ADARB2: variants seen among roughly 807,000 people sequenced by gnomAD.
The protein encoded by ADARB2 is inactive double-stranded RNA-specific editase B2.
Under a neutral mutation model 62.2 loss-of-function variants are expected in ADARB2, and 25 were observed. The ratio of observed to expected loss-of-function variants is 0.40; its 90% confidence interval spans 0.29 to 0.56. The LOEUF (loss-of-function observed/expected upper bound fraction) is 0.56, where lower values mean the gene tolerates loss of function less well. Ranked by LOEUF, ADARB2 falls within the 20% of genes least tolerant of loss-of-function variation. The pLI, the probability that ADARB2 is intolerant of heterozygous loss-of-function variation, is 0.43. For missense variants in ADARB2, 1,071 were observed against 1,077.4 expected (o/e 0.99, Z 0.08); for synonymous variants, 572 against 500.8 (o/e 1.14, Z -1.90).
chr10:1,422,586 G>C (rs1449088438), intron 1 of ADARB2, among the ~76,000 whole-genome samples: 1 of 152,180 alleles, frequency 6.6e-6, no homozygotes, highest in Non-Finnish European at 1.5e-5. Context: ...CCAGCCTGCA[G>C]GTCACATGTC....
intron 1 of ADARB2, among the ~76,000 whole-genome samples, chr10:1,572,295 G>T (rs1832953064): frequency 6.6e-6 from 1 of 152,158 alleles, no homozygotes. Flanking sequence ...GAGTGAACAG[G>T]TGAGCTTGCA....
chr10:1,575,164 T>G (rs1345886511), intron 1 of ADARB2, among the ~76,000 whole-genome samples: 1 of 151,214 alleles, frequency 6.6e-6, no homozygotes, highest in Non-Finnish European at 1.5e-5. Context: ...TAATAAGTAG[T>G]GCTAATTAAT....
intron 1 of ADARB2, among the ~76,000 whole-genome samples, chr10:1,515,750 C>G (rs1399106719): frequency 6.6e-6 from 1 of 152,238 alleles, no homozygotes; most frequent in South Asian, 2.1e-4. Context: ...GTGTTTCTTC[C>G]AGGCCCGGAA....
intron 2 of ADARB2, among the ~76,000 whole-genome samples, chr10:1,364,373 C>A (rs1468139586): frequency 6.6e-6 from 1 of 152,212 alleles, no homozygotes; most frequent in Non-Finnish European, 1.5e-5. Context: ...ACTCTACTTC[C>A]TCACTCACAG....
chr10:1,250,451 T>C (rs1325356227), intron 4 of ADARB2, among the ~76,000 whole-genome samples: 1 of 152,036 alleles, frequency 6.6e-6, no homozygotes, highest in East Asian at 1.9e-4. Context: ...CCTGTGAGAG[T>C]TGGCTGTAAT....
intron 3 of ADARB2, among the ~76,000 whole-genome samples, chr10:1,328,859 G>C (rs1466139736): frequency 6.6e-6 from 1 of 152,000 alleles, no homozygotes; most frequent in Non-Finnish European, 1.5e-5. Flanking sequence ...GGTCATGGTG[G>C]TGTGTGTCTG....
chr10:1,419,316 G>A lies in ADARB2; in HGVS notation c.101-40156C>T, dbSNP rs192332791. ...TCACCATGTTGATCAGGCTGGTCTCGAACTCCTGACCTCATTTTATTGATC... is the reference window on the plus strand; with the variant it reads ...TCACCATGTTGATCAGGCTGGTCTCAAACTCCTGACCTCATTTTATTGATC... On this transcript the variant is annotated intron_variant, in intron 1 of 9. Transcript: ENST00000381312. Among the ~76,000 whole-genome samples the A allele has an allele frequency of 1.5e-3, 233 of 152,198 alleles. 1 individual carries two copies. The highest frequency in any genetic ancestry group is 5.4e-3 in the African/African-American group (225 of 41,536).
intron 8 of ADARB2, chr10:1,187,805 G>A (rs1000186448): frequency 7.3e-6 from 3 of 411,186 alleles, no homozygotes; most frequent in African/African-American, 4.1e-5. Flanking sequence ...GCTGGCGGGT[G>A]GGCTGCGGGG....
chr10:1,223,090 A>C (rs1028950635), intron 6 of ADARB2, among the ~76,000 whole-genome samples: 6 of 151,820 alleles, frequency 4.0e-5, no homozygotes, highest in African/African-American at 1.5e-4. Flanking sequence ...CTTTTATTTC[A>C]TTGAGCTGTG....
At chr10:1,626,959 C>A (rs1288956794) in intron 1 of ADARB2, among the ~76,000 whole-genome samples, 8 of 152,124 alleles carry the variant, frequency 5.3e-5, no homozygotes, top group Admixed American at 2.6e-4. Flanking sequence ...GAATCCCTCT[C>A]TGTGGGGTCC....
At chr10:1,607,179 A>T (rs1257525738) in intron 1 of ADARB2, among the ~76,000 whole-genome samples, 3 of 152,238 alleles carry the variant, frequency 2.0e-5, no homozygotes, top group Non-Finnish European at 2.9e-5. Flanking sequence ...TTCTTCTCGC[A>T]AGTGGCTGAT....
intron 1 of ADARB2, among the ~76,000 whole-genome samples, chr10:1,654,382 G>T (rs1214251623): frequency 6.6e-5 from 10 of 152,178 alleles, no homozygotes; most frequent in African/African-American, 2.4e-4. Flanking sequence ...CCATGGCACT[G>T]GCTACCCCAG....
chr10:1,452,695 A>C (rs1831054250), intron 1 of ADARB2, among the ~76,000 whole-genome samples: 1 of 151,404 alleles, frequency 6.6e-6, no homozygotes, highest in Admixed American at 6.6e-5. Context: ...AGAACTACCT[A>C]ATGTAGGTGA....
rs537146560 is a variant in ADARB2, at chr10:1,676,013, G to T, written c.100+61038C>A. 241 of 985,342 alleles carry T rather than the reference G, an allele frequency of 2.4e-4. No individual in the cohort carries two copies. In the African/African-American group the frequency reaches 4.0e-3, roughly 16 times the overall value. The allele number at this position is 985,342 out of a possible 1,614,324, so 61.0% of individuals were successfully genotyped here. A position where few individuals can be genotyped will look rare whatever the true frequency, so the allele number is the denominator to read the frequency against. ...CCACCCACCCCCGACTTTGGTAAGA[G>T]GCTGTGAGTCAGGGCGCGTTTCTAA... On this transcript the variant is annotated intron_variant, in intron 1 of 9. Coordinates refer to ENST00000381312, the MANE Select transcript of ADARB2 (RefSeq NM_018702.4).
intron 1 of ADARB2, among the ~76,000 whole-genome samples, chr10:1,639,205 TGCATCCAGGAAGCTGACC>T (rs1833949479): frequency 6.6e-6 from 1 of 152,210 alleles, no homozygotes; most frequent in Non-Finnish European, 1.5e-5. Context: ...GGAGGCTGAC[TGCATCCAGGAAGCTGACC>T]GCATCCAGGA....
intron 5 of ADARB2, 92 bp downstream of exon 5, chr10:1,242,039 G>C (rs905277148): frequency 2.2e-6 from 3 of 1,339,246 alleles, no homozygotes; most frequent in East Asian, 2.5e-5. Flanking sequence ...AGAGGGAAGC[G>C]TGTTCTGAGC....
At position 1,179,207 on chromosome 10, in the gene ADARB2, T is replaced by C. The variant is rs1836630712; in HGVS notation, c.*3986A>G. 6.7e-6 allele frequency: 1 copy of C among 148,890 alleles called. No individual in the cohort carries two copies. The highest frequency in any genetic ancestry group is 2.6e-5 in the African/African-American group (1 of 38,766). 9.2% of individuals were successfully genotyped at this position (148,890 alleles called of 1,614,324 possible). A position where few individuals can be genotyped will look rare whatever the true frequency, so the allele number is the denominator to read the frequency against. ...CTCTCCAGACGTGATAAACATTATA[T>C]CCAAAAAAAAAAGCATGCGACTTTG... On this transcript the variant is annotated 3_prime_UTR_variant, in exon 10 of 10. Transcript: ENST00000381312.
intron 3 of ADARB2, among the ~76,000 whole-genome samples, chr10:1,328,996 TAAAAAAAAAAA>T (rs376461606): frequency 1.3e-5 from 1 of 75,678 alleles, no homozygotes; most frequent in Admixed American, 1.6e-4. Flanking sequence ...GACCCTGTCT[TAAAAAAAAAAA>T]AAAAAAAAAA....
chr10:1,569,805 A>G lies in ADARB2; in HGVS notation c.100+167246T>C, dbSNP rs527301616. ...ATACTGCTCAAAATACTATGATATT[A>G]TGCTCAAGACTTTCTTATAAATGAC... is the stretch of plus-strand genomic sequence containing the variant. On this transcript the variant is annotated intron_variant, in intron 1 of 9. Coordinates refer to ENST00000381312, the MANE Select transcript of ADARB2 (RefSeq NM_018702.4). Among the ~76,000 whole-genome samples the G allele has an allele frequency of 6.6e-5, 10 of 152,304 alleles. No individual in the cohort carries two copies. In the South Asian group the frequency reaches 1.2e-3, roughly 19 times the overall value.
Sources: gnomAD v4.1 joint callset for allele counts (sites outside exome capture counted in the v4.1 genomes callset) on GRCh38, gnomAD v4.1.1 for gene constraint, MANE v1.5 for transcripts, NCBI Gene and HGNC (gene_info 2026-07-23, HGNC 2026-07-21) for gene names.